The following SLC39A11 variants were observed in gnomAD, a reference collection of about 807,000 sequenced individuals.
SLC39A11 encodes solute carrier family 39 member 11.
A neutral mutation model predicts 36.1 loss-of-function variants in SLC39A11; 33 were observed. That is an observed-to-expected ratio of 0.91 (90% CI 0.69 to 1.22). The LOEUF (loss-of-function observed/expected upper bound fraction) is 1.22. SLC39A11 is among the 50% of genes most tolerant of loss of function. The pLI is 0.00. For missense variants in SLC39A11, 432 were observed against 430.3 expected (o/e 1.00, Z -0.03); for synonymous variants, 166 against 170.3 (o/e 0.97, Z 0.20).
At chr17:72,746,771 G>C (rs1475567277) in intron 6 of SLC39A11, among the ~76,000 whole-genome samples, 1 of 151,058 alleles carries the variant, frequency 6.6e-6, no homozygotes, top group African/African-American at 2.4e-5. Flanking sequence ...AATTAGCTGG[G>C]TGTGCTGGTG....
intron 4 of SLC39A11, among the ~76,000 whole-genome samples, chr17:72,965,722 G>A (rs985786221): frequency 2.0e-5 from 3 of 151,992 alleles, no homozygotes; most frequent in Admixed American, 1.3e-4. Context: ...AAGGAGGTGA[G>A]GCTTAATGTG....
intron 5 of SLC39A11, among the ~76,000 whole-genome samples, chr17:72,947,149 C>G (rs188188657): frequency 9.9e-5 from 15 of 152,222 alleles, no homozygotes; most frequent in Middle Eastern, 3.4e-3. Flanking sequence ...GGTGAAACAC[C>G]ATCTCTACTA....
In SLC39A11 at chr17:72,922,963, A is replaced by C. The variant is rs1221818574; in HGVS notation, c.430+24789T>G. On this transcript the variant is annotated intron_variant, in intron 5 of 9. Transcript: ENST00000255559. ...GTGATAGAGTGGGACTCCTTCTCAAAAAAAAAAAAAAAAAAAAAAAAAAAA... is the reference window on the plus strand; with the variant it reads ...GTGATAGAGTGGGACTCCTTCTCAACAAAAAAAAAAAAAAAAAAAAAAAAA... 2.4e-3 allele frequency among the ~76,000 whole-genome samples: 253 copies of C among 103,526 alleles called. 6 individuals are homozygous for C. The highest frequency in any genetic ancestry group is 8.2e-3 in the African/African-American group (220 of 26,940). The allele number at this position is 103,526 out of a possible 152,430, so 67.9% of individuals were successfully genotyped here. A position where few individuals can be genotyped will look rare whatever the true frequency, so the allele number is the denominator to read the frequency against.
chr17:72,888,704 T>A (rs2081561013), intron 5 of SLC39A11, among the ~76,000 whole-genome samples: 1 of 151,868 alleles, frequency 6.6e-6, no homozygotes, highest in Non-Finnish European at 1.5e-5. Context: ...GAGTTCAAGA[T>A]CAGCCTGGGC....
intron 3 of SLC39A11, among the ~76,000 whole-genome samples, chr17:73,078,496 T>C (rs1032633991): frequency 1.1e-4 from 10 of 89,950 alleles, no homozygotes; most frequent in African/African-American, 3.7e-4. Context: ...TTTTTTGTTG[T>C]TTTTTTTTTT....
At chr17:72,684,046 G>A (rs550935590) in intron 7 of SLC39A11, among the ~76,000 whole-genome samples, 1 of 152,214 alleles carries the variant, frequency 6.6e-6, no homozygotes, top group South Asian at 2.1e-4. Context: ...AACTTTCAAG[G>A]GTAAATATTT....
chr17:72,778,352 G>A (rs977948296), intron 6 of SLC39A11, among the ~76,000 whole-genome samples: 3 of 152,200 alleles, frequency 2.0e-5, no homozygotes, highest in East Asian at 1.9e-4. Context: ...ACACTGCCAC[G>A]CAGGACTGCC....
At chr17:73,071,794 T>C (rs192063812) in intron 3 of SLC39A11, among the ~76,000 whole-genome samples, 14 of 152,266 alleles carry the variant, frequency 9.2e-5, no homozygotes, top group Admixed American at 9.2e-4. Context: ...TTCCAACAAA[T>C]CTTTATTTAC....
At chr17:72,776,922 A>C (rs1275351260) in intron 6 of SLC39A11, among the ~76,000 whole-genome samples, 1 of 152,148 alleles carries the variant, frequency 6.6e-6, no homozygotes, top group Admixed American at 6.5e-5. Context: ...CCTAGCTTTG[A>C]AGCTGACTTT....
chr17:72,983,461 T>G (rs2088485886), intron 4 of SLC39A11, among the ~76,000 whole-genome samples: 1 of 152,244 alleles, frequency 6.6e-6, no homozygotes, highest in Non-Finnish European at 1.5e-5. Context: ...TTGTTGTTGT[T>G]GTTTGCTTTT....
At chr17:72,872,732 G>A (rs1254817678) in intron 5 of SLC39A11, among the ~76,000 whole-genome samples, 2 of 152,098 alleles carry the variant, frequency 1.3e-5, no homozygotes, top group East Asian at 3.9e-4. Flanking sequence ...AACTGTCTTT[G>A]TAAAACTAAC....
chr17:72,846,258 G>C (rs1375807130), intron 6 of SLC39A11, among the ~76,000 whole-genome samples: 1 of 152,182 alleles, frequency 6.6e-6, no homozygotes, highest in South Asian at 2.1e-4. Context: ...TCAAACTCCT[G>C]ACCTCAAGTG....
chr17:72,850,140 T>C (rs1175410318), intron 5 of SLC39A11, among the ~76,000 whole-genome samples: 3 of 152,184 alleles, frequency 2.0e-5, no homozygotes, highest in African/African-American at 7.2e-5. Flanking sequence ...CAGGCATCCA[T>C]TCATTCAGCG....
rs186412311 is a variant in SLC39A11, at chr17:73,004,711, T to G, written c.306+26845A>C. 2.3e-3 allele frequency among the ~76,000 whole-genome samples: 352 copies of G among 152,366 alleles called. 1 individual carries two copies. The highest frequency in any genetic ancestry group is 8.2e-3 in the African/African-American group (340 of 41,598). On this transcript the variant is annotated intron_variant, in intron 4 of 9. Transcript: ENST00000255559. ...TTTCTACTTCACCTGGTCAAGTCAT[T>G]TGATCCTTAACTGTTGCTTTCAACA...
At chr17:72,772,097 C>G (rs2075968471) in intron 6 of SLC39A11, among the ~76,000 whole-genome samples, 1 of 152,048 alleles carries the variant, frequency 6.6e-6, no homozygotes, top group Non-Finnish European at 1.5e-5. Flanking sequence ...TCCCTCCTTC[C>G]CAGAGTCCTT....
chr17:72,701,414 T>C (rs932071953), intron 7 of SLC39A11, among the ~76,000 whole-genome samples: 10 of 152,078 alleles, frequency 6.6e-5, no homozygotes, highest in African/African-American at 2.4e-4. Flanking sequence ...TTTCAAGAGA[T>C]AGTGAGTGAT....
intron 6 of SLC39A11, among the ~76,000 whole-genome samples, chr17:72,765,122 C>T (rs1419158934): frequency 2.0e-5 from 3 of 152,184 alleles, no homozygotes; most frequent in Non-Finnish European, 4.4e-5. Context: ...CAAGTGTAGA[C>T]ATAAATGACT....
chr17:72,733,814 T>C (rs1285725781), intron 7 of SLC39A11, among the ~76,000 whole-genome samples: 1 of 152,160 alleles, frequency 6.6e-6, no homozygotes, highest in African/African-American at 2.4e-5. Flanking sequence ...CAGGTGGTCA[T>C]CTAAGGCAAG....
chr17:73,016,005 G>A (rs1381511674), intron 4 of SLC39A11, among the ~76,000 whole-genome samples: 2 of 152,110 alleles, frequency 1.3e-5, no homozygotes, highest in Non-Finnish European at 2.9e-5. Context: ...TTGGACAGCT[G>A]GGCTCTGTCC....
Sources: gnomAD v4.1 joint callset for allele counts (sites outside exome capture counted in the v4.1 genomes callset) on GRCh38, gnomAD v4.1.1 for gene constraint, MANE v1.5 for transcripts, NCBI Gene and HGNC (gene_info 2026-07-23, HGNC 2026-07-21) for gene names.